Variants in NRXN3 observed in about 807,000 individuals in gnomAD.
NRXN3 encodes the protein neurexin III.
A neutral mutation model predicts 137.6 loss-of-function variants in NRXN3; 32 were observed. The observed-to-expected ratio is 0.23, with a 90% CI of 0.18 to 0.31. The LOEUF (loss-of-function observed/expected upper bound fraction) is 0.31. NRXN3 is among the 10% of genes least tolerant of loss of function. The pLI is 1.00. For synonymous variants in NRXN3, 798 were observed against 784.5 expected, an observed-to-expected ratio of 1.02 and a Z score of -0.29; for missense variants, 1,574 against 2,062.5, an observed-to-expected ratio of 0.76 and a Z score of 4.59.
intron 15 of NRXN3, among the ~76,000 whole-genome samples, chr14:79,168,041 T>C (rs2153084699): frequency 6.7e-6 from 1 of 149,444 alleles, no homozygotes; most frequent in Middle Eastern, 3.4e-3. Context: ...TCAATGACAA[T>C]AGTGGCATAA....
chr14:78,217,748 A>G (rs1384105894), intron 1 of NRXN3, among the ~76,000 whole-genome samples: 1 of 152,064 alleles, frequency 6.6e-6, no homozygotes, highest in Admixed American at 6.6e-5. Context: ...TGCAAACTCC[A>G]CCTCCTAGGT....
intron 3 of NRXN3, among the ~76,000 whole-genome samples, chr14:78,292,003 ATTTGAAAACCATCTGAGGTGG>A (rs2075853611): frequency 6.6e-6 from 1 of 152,146 alleles, no homozygotes; most frequent in Non-Finnish European, 1.5e-5. Context: ...AGAAGAATGG[ATTTGAAAACCATCTGAGGTGG>A]GTGGGATATT....
chr14:78,510,624 A>G (rs2096086031), intron 4 of NRXN3, among the ~76,000 whole-genome samples: 1 of 152,240 alleles, frequency 6.6e-6, no homozygotes, highest in South Asian at 2.1e-4. Context: ...CTTGTGGAAG[A>G]CTTGCAGATT....
chr14:78,183,987 A>G (rs28610490), intron 1 of NRXN3, among the ~76,000 whole-genome samples: 6,953 of 152,220 alleles, frequency 0.046, 451 homozygotes, highest in African/African-American at 0.15. Flanking sequence ...TTGTACATGT[A>G]GTTATTTATT....
At chr14:78,547,351 G>T (rs182664574) in intron 4 of NRXN3, among the ~76,000 whole-genome samples, 1 of 151,876 alleles carries the variant, frequency 6.6e-6, no homozygotes, top group Non-Finnish European at 1.5e-5. Context: ...GATTACAGGC[G>T]CCCGCTACCA....
chr14:78,918,571 G>T (rs1333852163), intron 10 of NRXN3, among the ~76,000 whole-genome samples: 1 of 152,080 alleles, frequency 6.6e-6, no homozygotes, highest in African/African-American at 2.4e-5. Flanking sequence ...AGCGTAAAAT[G>T]AACTGCTGAG....
At chr14:78,764,562 T>A (rs1468594993) in intron 8 of NRXN3, among the ~76,000 whole-genome samples, 1 of 152,154 alleles carries the variant, frequency 6.6e-6, no homozygotes, top group African/African-American at 2.4e-5. Context: ...CCCCACCACC[T>A]CTTCTGGCTC....
At chr14:78,640,821 C>A (rs551980923) in intron 4 of NRXN3, among the ~76,000 whole-genome samples, 1 of 152,258 alleles carries the variant, frequency 6.6e-6, no homozygotes, top group East Asian at 1.9e-4. Context: ...GCTTTTCATG[C>A]AGTGAGAATA....
At chr14:79,000,026 A>AT (rs1306156105) in intron 15 of NRXN3, among the ~76,000 whole-genome samples, 1 of 152,102 alleles carries the variant, frequency 6.6e-6, no homozygotes, top group Admixed American at 6.6e-5. Flanking sequence ...AATTCCCCTG[A>AT]TTTTTTTCAC....
intron 16 of NRXN3, among the ~76,000 whole-genome samples, chr14:79,486,560 A>G (rs987404955): frequency 3.3e-5 from 5 of 152,198 alleles, no homozygotes; most frequent in Non-Finnish European, 7.3e-5. Flanking sequence ...GAACCCCAGT[A>G]TCAATGGTTA....
Position 78,446,468 on chromosome 14 carries a change from A to G in NRXN3, c.757+148608A>G, listed in dbSNP as rs558924692. Among the ~76,000 whole-genome samples the G allele has an allele frequency of 9.3e-5, 14 of 150,740 alleles. No individual in the cohort carries two copies. The South Asian group carries it at 1.0e-3, about 11-fold the overall frequency. On this transcript the variant is annotated intron_variant, in intron 4 of 20. Coordinates refer to ENST00000335750, the MANE Select transcript of NRXN3 (RefSeq NM_001330195.2). ...CGGATGCTTTCCTCATGGCCTCTCT[A>G]TGTAAGGTATACTTCATACTTGCTA...
intron 15 of NRXN3, among the ~76,000 whole-genome samples, chr14:78,994,928 C>T (rs1049746766): frequency 4.6e-5 from 7 of 152,086 alleles, no homozygotes; most frequent in African/African-American, 1.2e-4. Flanking sequence ...TATTATAGTA[C>T]GATACTCCTG....
At chr14:78,486,750 T>A (rs2095566137) in intron 4 of NRXN3, among the ~76,000 whole-genome samples, 1 of 152,148 alleles carries the variant, frequency 6.6e-6, no homozygotes. Flanking sequence ...TGTGAACTTT[T>A]ATGGTTTTGT....
chr14:79,500,951 CT>C (rs1567305939), intron 16 of NRXN3, among the ~76,000 whole-genome samples: 3 of 152,234 alleles, frequency 2.0e-5, no homozygotes, highest in East Asian at 3.9e-4. Context: ...ATGTTGGTCT[CT>C]TTTTTTCATA....
chr14:79,862,047 A>T lies in NRXN3; in HGVS notation c.*83A>T. The T allele has an allele frequency of 8.6e-7, 1 of 1,166,892 alleles. No homozygotes were observed. The highest frequency in any genetic ancestry group is 1.2e-6 in the Non-Finnish European group (1 of 828,744). 72.3% of individuals were successfully genotyped at this position (1,166,892 alleles called of 1,614,324 possible). On this transcript the variant is annotated 3_prime_UTR_variant, in exon 21 of 21. Transcript: ENST00000335750. Reference sequence around the variant, plus strand: ...ATCTTTGGACGGTGAGATCTCACAGATGTCAGAACTGCTGGAACTATGAAA... The same window carrying T: ...ATCTTTGGACGGTGAGATCTCACAGTTGTCAGAACTGCTGGAACTATGAAA...
intron 15 of NRXN3, among the ~76,000 whole-genome samples, chr14:79,404,829 A>T (rs2095277955): frequency 6.6e-6 from 1 of 152,170 alleles, no homozygotes; most frequent in South Asian, 2.1e-4. Flanking sequence ...TGCTTCCCTT[A>T]GTTTGTTTGC....
At chr14:78,579,264 G>C (rs1222392841) in intron 4 of NRXN3, among the ~76,000 whole-genome samples, 1 of 152,182 alleles carries the variant, frequency 6.6e-6, no homozygotes, top group African/African-American at 2.4e-5. Flanking sequence ...ATTGTTGGCT[G>C]CTTCTTGATG....
intron 4 of NRXN3, among the ~76,000 whole-genome samples, chr14:78,546,883 A>G (rs1217045475): frequency 1.3e-5 from 2 of 151,602 alleles, no homozygotes; most frequent in Non-Finnish European, 2.9e-5. Context: ...AAATTGAGTA[A>G]TTAGCCCAAA....
chr14:78,243,785 G>A lies in NRXN3; in HGVS notation c.692G>A (p.Gly231Asp). 1.3e-6 allele frequency: 2 copies of A among 1,585,640 alleles called. No homozygotes were observed. The highest frequency in any genetic ancestry group is 1.1e-5 in the South Asian group (1 of 88,342). Reference sequence around the variant, plus strand: ...GACTGTTCTACCACTGGCTATGGTGGCAAGCTCTGCTCAGAAGGTAAGACC... The same window carrying A: ...GACTGTTCTACCACTGGCTATGGTGACAAGCTCTGCTCAGAAGGTAAGACC... ...TCDCSTTGYG[G>D]KLCSEDVSQD... Residue 231 changes from glycine (G) to aspartate (D), a missense_variant, in exon 2 of 21, where the codon GGC (glycine) becomes GAC (aspartate). Gly to Asp is a moderately conservative substitution (Grantham distance 94). Coordinates refer to ENST00000335750, the MANE Select transcript of NRXN3 (RefSeq NM_001330195.2). The surrounding 1 kb of genome is among the most constrained non-coding windows in gnomAD (Gnocchi z 4.2).
Sources: allele counts gnomAD v4.1 joint callset (sites outside exome capture counted in the v4.1 genomes callset), GRCh38; gene constraint gnomAD v4.1.1; non-coding constraint Gnocchi (gnomAD v3.1); transcripts MANE v1.5; gene names NCBI Gene and HGNC (gene_info 2026-07-23, HGNC 2026-07-21).